The following BLTP3A variants were observed in gnomAD, a reference collection of about 807,000 sequenced individuals.
BLTP3A encodes the protein bridge-like lipid transfer protein family member 3A, also known as ICBP90 binding protein 1.
the BLTP3A span, among the ~76,000 whole-genome samples, chr6:34,795,068 T>A: frequency 6.6e-6 from 1 of 151,784 alleles, no homozygotes; most frequent in African/African-American, 2.4e-5. Context: ...ATTACAGGCG[T>A]GAGCCACCAC....
At chr6:34,872,536 AC>A in the BLTP3A span, 1 of 1,422,608 alleles carries the variant, frequency 7.0e-7, no homozygotes, top group South Asian at 1.6e-5. Flanking sequence ...ATAAGTCACT[AC>A]GGATGCCAGA....
chr6:34,846,765 TTGTC>T, the BLTP3A span, among the ~76,000 whole-genome samples: 1 of 152,236 alleles, frequency 6.6e-6, no homozygotes, highest in African/African-American at 2.4e-5. Flanking sequence ...ATTCTTTCTG[TTGTC>T]TAATTGTTCT....
At chr6:34,821,830 C>T in the BLTP3A span, 1 of 1,614,064 alleles carries the variant, frequency 6.2e-7, no homozygotes. Flanking sequence ...GAATGAGGGT[C>T]AGAATGCTGC....
chr6:34,867,245 C>T, the BLTP3A span: 1 of 1,613,212 alleles, frequency 6.2e-7, no homozygotes, highest in Non-Finnish European at 8.5e-7. Flanking sequence ...AGAATCTGTT[C>T]CACCAGGATC....
chr6:34,851,173 G>A, the BLTP3A span, among the ~76,000 whole-genome samples: 1 of 152,068 alleles, frequency 6.6e-6, no homozygotes, highest in Non-Finnish European at 1.5e-5. Flanking sequence ...GTGAGGTCAT[G>A]TTTTCCTGGA....
At chr6:34,825,426 G>A in the BLTP3A span, among the ~76,000 whole-genome samples, 3 of 151,790 alleles carry the variant, frequency 2.0e-5, no homozygotes, top group Admixed American at 6.6e-5. Context: ...TCCTGCCTCC[G>A]CCTCCCAGGT....
the BLTP3A span, among the ~76,000 whole-genome samples, chr6:34,840,842 C>G: frequency 6.6e-6 from 1 of 151,880 alleles, no homozygotes; most frequent in Admixed American, 6.6e-5. Context: ...GCTCTCGATT[C>G]CCTGACCTTG....
the BLTP3A span, among the ~76,000 whole-genome samples, chr6:34,830,251 A>G: frequency 2.6e-5 from 4 of 151,936 alleles, no homozygotes; most frequent in African/African-American, 4.8e-5. Flanking sequence ...ACTCTTCTCT[A>G]TGATGACTTT....
chr6:34,794,555 A>C, the BLTP3A span, among the ~76,000 whole-genome samples: 181 of 152,350 alleles, frequency 1.2e-3, 1 homozygote, highest in Middle Eastern at 3.4e-3. Context: ...AGGAGCAGTT[A>C]TAAACCCCTG....
At chr6:34,859,639 G>A in the BLTP3A span, 15 of 1,576,396 alleles carry the variant, frequency 9.5e-6, no homozygotes, top group Non-Finnish European at 1.2e-5. Flanking sequence ...TGGGTTTAAG[G>A]CCTCTTACTA....
At chr6:34,876,973 C>T in the BLTP3A span, 2 of 152,568 alleles carry the variant, frequency 1.3e-5, no homozygotes, top group East Asian at 3.9e-4. Flanking sequence ...GATATAGTTC[C>T]TGTGACTTCT....
the BLTP3A span, among the ~76,000 whole-genome samples, chr6:34,842,461 A>G: frequency 6.6e-6 from 1 of 152,162 alleles, no homozygotes; most frequent in East Asian, 1.9e-4. Context: ...CCACTAATCT[A>G]TTTTTGATAT....
the BLTP3A span, among the ~76,000 whole-genome samples, chr6:34,851,276 G>A: frequency 4.6e-5 from 7 of 152,060 alleles, no homozygotes; most frequent in East Asian, 3.9e-4. Context: ...GTGTTTACCC[G>A]TTCTTGTGAA....
chr6:34,872,043 T>C, the BLTP3A span: 6 of 1,050,596 alleles, frequency 5.7e-6, no homozygotes, highest in South Asian at 1.6e-5. Context: ...TGTGGGTGTT[T>C]TGGGTTCCTG....
the BLTP3A span, among the ~76,000 whole-genome samples, chr6:34,797,212 C>T: frequency 6.6e-6 from 1 of 152,174 alleles, no homozygotes; most frequent in Non-Finnish European, 1.5e-5. Context: ...TCTTTTAAAA[C>T]CCATCAGGAG....
At chr6:34,840,266 T>G in the BLTP3A span, among the ~76,000 whole-genome samples, 2 of 152,014 alleles carry the variant, frequency 1.3e-5, no homozygotes, top group African/African-American at 4.8e-5. Flanking sequence ...AAATACATAT[T>G]ATTGGCCAGG....
At chr6:34,801,303 G>A in the BLTP3A span, among the ~76,000 whole-genome samples, 6 of 152,288 alleles carry the variant, frequency 3.9e-5, no homozygotes, top group Non-Finnish European at 8.8e-5. Context: ...AAATAGTGAC[G>A]TAATGTTGAA....
the BLTP3A span, among the ~76,000 whole-genome samples, chr6:34,863,361 A>G: frequency 8.5e-5 from 13 of 152,274 alleles, 1 homozygote; most frequent in East Asian, 7.7e-4. Context: ...GACAAAACCT[A>G]TGCTTCAGCT....
At chr6:34,817,841 A>G in the BLTP3A span, among the ~76,000 whole-genome samples, 1 of 147,786 alleles carries the variant, frequency 6.8e-6, no homozygotes, top group African/African-American at 2.6e-5. Context: ...GCCCAGCAAG[A>G]CGTGTAGGAA....
Sources: gnomAD v4.1 joint callset for allele counts (sites outside exome capture counted in the v4.1 genomes callset) on GRCh38, gnomAD v4.1.1 for gene constraint, MANE v1.5 for transcripts, NCBI Gene and HGNC (gene_info 2026-07-23, HGNC 2026-07-21) for gene names.